ZNF521: variants seen among roughly 807,000 people sequenced by gnomAD.
The protein encoded by ZNF521 is LYST-interacting protein 3.
ZNF521 carries 14 observed loss-of-function variants against 105.5 expected under a neutral mutation model. The observed-to-expected ratio is 0.13, with a 90% CI of 0.09 to 0.21. The LOEUF is 0.21. Among genes scored for constraint, ZNF521 ranks in the 10% least tolerant of loss-of-function variants. The pLI is 1.00. For missense variants in ZNF521, 1,233 were observed against 1,629.7 expected (o/e 0.76, Z 4.19); for synonymous variants, 635 against 606.0 (o/e 1.05, Z -0.70).
chr18:25,172,816 G>A (rs1304357616), intron 5 of ZNF521, among the ~76,000 whole-genome samples: 1 of 152,008 alleles, frequency 6.6e-6, no homozygotes, highest in African/African-American at 2.4e-5. Context: ...ATCTTTTCTG[G>A]GTTATATGTG....
At chr18:25,193,065 T>C (rs2035845851) in intron 5 of ZNF521, among the ~76,000 whole-genome samples, 1 of 152,110 alleles carries the variant, frequency 6.6e-6, no homozygotes, top group African/African-American at 2.4e-5. Context: ...AGGTGAATTG[T>C]TAAATGCTCA....
intron 3 of ZNF521, among the ~76,000 whole-genome samples, chr18:25,228,053 T>C (rs746548871): frequency 6.6e-6 from 1 of 152,222 alleles, no homozygotes; most frequent in Non-Finnish European, 1.5e-5. Context: ...GTATTCCTTC[T>C]AAAATGATTT....
chr18:25,328,100 G>A (rs1600313743), intron 2 of ZNF521, among the ~76,000 whole-genome samples: 1 of 152,216 alleles, frequency 6.6e-6, no homozygotes, highest in South Asian at 2.1e-4. Flanking sequence ...TTGTTAAATT[G>A]TTTTACAGAA....
intron 4 of ZNF521, among the ~76,000 whole-genome samples, chr18:25,221,142 G>T (rs1473255599): frequency 6.6e-6 from 1 of 152,110 alleles, no homozygotes; most frequent in East Asian, 1.9e-4. Flanking sequence ...AATAATCTGA[G>T]GATTCTGGCA....
chr18:25,229,240 G>C (rs1906375635), intron 3 of ZNF521, among the ~76,000 whole-genome samples: 1 of 152,112 alleles, frequency 6.6e-6, no homozygotes, highest in South Asian at 2.1e-4. Context: ...AACAGATGAG[G>C]ATCATTCCTT....
intron 5 of ZNF521, among the ~76,000 whole-genome samples, chr18:25,167,422 T>C (rs2035364164): frequency 6.6e-6 from 1 of 152,318 alleles, no homozygotes; most frequent in South Asian, 2.1e-4. Flanking sequence ...CAGAAGTGTT[T>C]TAGGAATAAG....
intron 5 of ZNF521, among the ~76,000 whole-genome samples, chr18:25,192,958 G>A (rs2035844470): frequency 6.6e-6 from 1 of 152,038 alleles, no homozygotes; most frequent in African/African-American, 2.4e-5. Context: ...TAGGCCTCAA[G>A]TGCAAGAGAA....
chr18:25,199,491 A>G (rs1038461012), intron 4 of ZNF521, among the ~76,000 whole-genome samples: 2 of 151,926 alleles, frequency 1.3e-5, no homozygotes. Context: ...TTTAGATGTG[A>G]TAATGGTATT....
intron 5 of ZNF521, among the ~76,000 whole-genome samples, chr18:25,187,852 A>G (rs933600747): frequency 2.6e-5 from 4 of 152,188 alleles, no homozygotes; most frequent in African/African-American, 9.7e-5. Context: ...ACAGGGGGAT[A>G]TGTGTCAGGA....
chr18:25,135,279 C>CGTGTGTGTGTGTGT (rs35980671), intron 5 of ZNF521, among the ~76,000 whole-genome samples: 105 of 146,216 alleles, frequency 7.2e-4, no homozygotes, highest in African/African-American at 2.6e-3. Context: ...TATATGTATA[C>CGTGTGTGTGTGTGT]GTGTGTGTGT....
intron 5 of ZNF521, among the ~76,000 whole-genome samples, chr18:25,182,497 T>C (rs566126090): frequency 1.3e-5 from 2 of 152,350 alleles, no homozygotes; most frequent in East Asian, 3.9e-4. Context: ...CACCTATATG[T>C]GACGCCCATT....
chr18:25,233,693 T>C (rs1906687245), intron 3 of ZNF521, among the ~76,000 whole-genome samples: 4 of 140,298 alleles, frequency 2.9e-5, no homozygotes, highest in African/African-American at 5.3e-5. Flanking sequence ...CCTTCAATAC[T>C]CCCTAGTAAA....
At chr18:25,268,923 A>C (rs1909452075) in intron 3 of ZNF521, among the ~76,000 whole-genome samples, 1 of 152,208 alleles carries the variant, frequency 6.6e-6, no homozygotes, top group Non-Finnish European at 1.5e-5. Context: ...AAATTCACAC[A>C]TAACAATATT....
At chr18:25,196,957 T>C (rs1022648717) in intron 4 of ZNF521, among the ~76,000 whole-genome samples, 15 of 151,808 alleles carry the variant, frequency 9.9e-5, no homozygotes, top group Non-Finnish European at 2.1e-4. Context: ...ACATACAATA[T>C]GTCGAAAACT....
At chr18:25,217,023 G>A (rs1054728859) in intron 4 of ZNF521, among the ~76,000 whole-genome samples, 1 of 152,190 alleles carries the variant, frequency 6.6e-6, no homozygotes, top group Admixed American at 6.5e-5. Context: ...ACATGTTCAG[G>A]ATCTGGGCAG....
intron 3 of ZNF521, among the ~76,000 whole-genome samples, chr18:25,283,855 GA>G (rs1442917953): frequency 1.3e-5 from 2 of 149,200 alleles, no homozygotes; most frequent in African/African-American, 2.5e-5. Flanking sequence ...ATCAGTTGAA[GA>G]AAAAAAATCA....
intron 3 of ZNF521, among the ~76,000 whole-genome samples, chr18:25,289,774 A>G (rs892190787): frequency 2.6e-5 from 4 of 152,206 alleles, no homozygotes; most frequent in African/African-American, 9.7e-5. Flanking sequence ...ACATAAAGTC[A>G]AAATTGGGGG....
rs372600633 is a variant in ZNF521, at chr18:25,227,328, G to C, written c.590C>G (p.Thr197Arg). The C allele has an allele frequency of 6.2e-7, 1 of 1,614,160 alleles. No homozygotes were observed. The highest frequency in any genetic ancestry group is 2.2e-5 in the East Asian group (1 of 44,866). The change falls in exon 4 of 8, where the codon ACG (threonine) becomes AGG (arginine). Residue 197 changes from threonine to arginine, a missense_variant. Coordinates refer to ENST00000361524, the MANE Select transcript of ZNF521 (RefSeq NM_015461.3). This position sits in a 1 kb window ranked among gnomAD's most constrained non-coding sequence, Gnocchi z 5.7. Reference protein sequence around the residue: ...DHLKIHLKTHTSNKPYKCAIC... With the variant: ...DHLKIHLKTHRSNKPYKCAIC... ...GGCACATTTATATGGCTTGTTGGAC[G>C]TGTGAGTCTTTAAGTGGATCTTCAA...
intron 4 of ZNF521, among the ~76,000 whole-genome samples, chr18:25,205,988 T>C (rs1252893894): frequency 2.0e-5 from 3 of 151,128 alleles, no homozygotes; most frequent in Non-Finnish European, 4.4e-5. Context: ...GTCTTATTCA[T>C]TTTTTTTTAA....
Sources: gnomAD v4.1 joint callset for allele counts (sites outside exome capture counted in the v4.1 genomes callset) on GRCh38, gnomAD v4.1.1 for gene constraint, Gnocchi (gnomAD v3.1) non-coding constraint, MANE v1.5 for transcripts, NCBI Gene and HGNC (gene_info 2026-07-23, HGNC 2026-07-21) for gene names.